SCRG1: variants seen among roughly 807,000 people sequenced by gnomAD.
SCRG1 encodes the protein scrapie-responsive protein 1.
SCRG1 carries 3 observed loss-of-function variants against 7.7 expected under a neutral mutation model. The ratio of observed to expected loss-of-function variants is 0.39; its 90% CI spans 0.18 to 1.01. SCRG1 has a LOEUF of 1.01. Ranked by LOEUF, SCRG1 falls within the 50% of genes least tolerant of loss-of-function variation. The probability of loss-of-function intolerance (pLI) is 0.36; values close to 1 mark genes in which losing one functional copy is unlikely to be tolerated. For missense variants in SCRG1, 110 were observed against 117.2 expected (o/e 0.94, Z 0.28); for synonymous variants, 46 against 41.2 (o/e 1.12, Z -0.44).
chr4:173,410,882 G>A (rs1578973949), upstream of SCRG1, among the ~76,000 whole-genome samples: 2 of 152,322 alleles, frequency 1.3e-5, no homozygotes, highest in African/African-American at 2.4e-5. Context: ...TGACAAAGGA[G>A]CAGCACATTG....
the SCRG1 span, among the ~76,000 whole-genome samples, chr4:173,427,755 G>A: frequency 6.6e-6 from 1 of 152,188 alleles, no homozygotes; most frequent in East Asian, 1.9e-4. Flanking sequence ...CTTCTCTGAG[G>A]TAGTGGGAGT....
At chr4:173,441,057 G>T in the SCRG1 span, among the ~76,000 whole-genome samples, 1 of 152,140 alleles carries the variant, frequency 6.6e-6, no homozygotes, top group South Asian at 2.1e-4. Context: ...TTGGGGGTGG[G>T]TGGGGGGACT....
At chr4:173,471,240 C>A in the SCRG1 span, among the ~76,000 whole-genome samples, 1 of 152,086 alleles carries the variant, frequency 6.6e-6, no homozygotes, top group African/African-American at 2.4e-5. Context: ...AGGGTAGTTT[C>A]CTAATAAATA....
chr4:173,402,379 T>G (rs912254314), upstream of SCRG1, among the ~76,000 whole-genome samples: 2 of 152,106 alleles, frequency 1.3e-5, no homozygotes, highest in African/African-American at 4.8e-5. Flanking sequence ...GAGAAACATT[T>G]TATACAGAAT....
At chr4:173,449,573 G>A in the SCRG1 span, among the ~76,000 whole-genome samples, 4 of 151,214 alleles carry the variant, frequency 2.6e-5, no homozygotes, top group African/African-American at 4.9e-5. Flanking sequence ...TTCCAAAAAC[G>A]TGGCTTGAAT....
chr4:173,510,649 G>A, the SCRG1 span, among the ~76,000 whole-genome samples: 3 of 151,704 alleles, frequency 2.0e-5, no homozygotes, highest in Non-Finnish European at 4.4e-5. The surrounding 1 kb of genome is among the most constrained non-coding windows in gnomAD (Gnocchi z 5.7). Context: ...CCCTCCCCCT[G>A]GGATTCCCTG....
At chr4:173,487,987 G>A in the SCRG1 span, among the ~76,000 whole-genome samples, 1 of 152,010 alleles carries the variant, frequency 6.6e-6, no homozygotes. Flanking sequence ...TGTGGTCCCA[G>A]CTACTTGGGA....
the SCRG1 span, among the ~76,000 whole-genome samples, chr4:173,471,307 G>T: frequency 6.6e-6 from 1 of 152,154 alleles, no homozygotes; most frequent in Admixed American, 6.5e-5. Flanking sequence ...AAAACCTTCT[G>T]GAATTTTCTA....
Position 173,385,562 on chromosome 4 carries a change from C to A in SCRG1, c.*2779G>T, listed in dbSNP as rs941606082. On this transcript the variant is annotated 3_prime_UTR_variant, in exon 3 of 3. Transcript: ENST00000296506. Reference sequence around the variant, plus strand: ...TAAGTTGTGTGAATGTATGTTTTTACATTTATTTTGTAATATAAAGAAGGC... The same window carrying A: ...TAAGTTGTGTGAATGTATGTTTTTAAATTTATTTTGTAATATAAAGAAGGC... The A allele has an allele frequency of 1.3e-5, 2 of 151,952 alleles. No homozygotes were observed. The highest frequency in any genetic ancestry group is 4.8e-5 in the African/African-American group (2 of 41,388). 9.4% of individuals were successfully genotyped at this position (151,952 alleles called of 1,614,324 possible). A position where few individuals can be genotyped will look rare whatever the true frequency, so the allele number is the denominator to read the frequency against.
chr4:173,513,724 C>G, the SCRG1 span, among the ~76,000 whole-genome samples: 1 of 152,182 alleles, frequency 6.6e-6, no homozygotes. Context: ...CACCATCCTT[C>G]TCCTCTCCCC....
chr4:173,482,935 A>G, the SCRG1 span, among the ~76,000 whole-genome samples: 2 of 136,582 alleles, frequency 1.5e-5, no homozygotes, highest in African/African-American at 5.4e-5. Context: ...AATATATTAT[A>G]TATGAAATAT....
At chr4:173,510,115 G>A in the SCRG1 span, among the ~76,000 whole-genome samples, 3 of 152,128 alleles carry the variant, frequency 2.0e-5, no homozygotes, top group Admixed American at 6.6e-5. The surrounding 1 kb of genome is among the most constrained non-coding windows in gnomAD (Gnocchi z 5.7). Context: ...TCCTAATGGC[G>A]TTTCAGGGCC....
At chr4:173,451,328 A>T in the SCRG1 span, among the ~76,000 whole-genome samples, 1 of 151,598 alleles carries the variant, frequency 6.6e-6, no homozygotes, top group East Asian at 1.9e-4. Context: ...AGGAGCACCT[A>T]AGAGCTAAGA....
the SCRG1 span, among the ~76,000 whole-genome samples, chr4:173,445,962 C>A: frequency 5.3e-5 from 8 of 152,186 alleles, no homozygotes; most frequent in South Asian, 2.1e-4. Flanking sequence ...CTGCACCTGG[C>A]CTTTAAGGAG....
chr4:173,459,913 A>C, the SCRG1 span, among the ~76,000 whole-genome samples: 1 of 152,036 alleles, frequency 6.6e-6, no homozygotes, highest in Non-Finnish European at 1.5e-5. Flanking sequence ...CACAAAAAAA[A>C]AATACATGTG....
the SCRG1 span, among the ~76,000 whole-genome samples, chr4:173,437,418 A>T: frequency 6.6e-6 from 1 of 152,356 alleles, no homozygotes; most frequent in South Asian, 2.1e-4. Context: ...ACACACAAAG[A>T]AAGGCCCAAA....
chr4:173,442,422 T>C, the SCRG1 span, among the ~76,000 whole-genome samples: 1 of 152,212 alleles, frequency 6.6e-6, no homozygotes, highest in African/African-American at 2.4e-5. Flanking sequence ...AGGACCTTTC[T>C]CTTTTCTTCA....
chr4:173,508,069 G>A, the SCRG1 span, among the ~76,000 whole-genome samples: 3 of 152,142 alleles, frequency 2.0e-5, no homozygotes, highest in Non-Finnish European at 4.4e-5. The surrounding 1 kb of genome is among the most constrained non-coding windows in gnomAD (Gnocchi z 4.4). Flanking sequence ...GAGAGGGAGG[G>A]GCAAGCTGGC....
At chr4:173,425,531 C>T in the SCRG1 span, among the ~76,000 whole-genome samples, 6 of 152,196 alleles carry the variant, frequency 3.9e-5, no homozygotes. Context: ...TTCCTGTGTT[C>T]CCTAGGGGGC....
Sources: gnomAD v4.1 joint callset for allele counts (sites outside exome capture counted in the v4.1 genomes callset) on GRCh38, gnomAD v4.1.1 for gene constraint, Gnocchi (gnomAD v3.1) non-coding constraint, MANE v1.5 for transcripts, NCBI Gene and HGNC (gene_info 2026-07-23, HGNC 2026-07-21) for gene names.